Variants in MRPL46 observed in about 807,000 individuals in gnomAD.
MRPL46 encodes the protein mitochondrial ribosomal protein L46.
In MRPL46, 26 loss-of-function variants were observed where a neutral mutation model predicts 31.0. The observed-to-expected ratio is 0.84, with a 90% CI of 0.61 to 1.16. The LOEUF is 1.16. Ranked by LOEUF, MRPL46 falls within the 50% of genes most tolerant of loss-of-function variation. The probability of loss-of-function intolerance (pLI) is 0.00; values close to 1 mark genes in which losing one functional copy is unlikely to be tolerated. For missense variants in MRPL46, 395 were observed against 340.0 expected (o/e 1.16, Z -1.27); for synonymous variants, 159 against 141.3 (o/e 1.13, Z -0.89).
intron 3 of MRPL46, chr15:88,462,639 C>G (rs1278435769): frequency 1.3e-5 from 2 of 152,208 alleles, no homozygotes; most frequent in African/African-American, 4.8e-5. Flanking sequence ...TGGAGGGCAA[C>G]TGGGCTGCAC....
chr15:88,460,269 G>A (rs1014812867), intron 3 of MRPL46: 29 of 195,632 alleles, frequency 1.5e-4, no homozygotes, highest in African/African-American at 5.2e-4. Context: ...ATCTGTTGGC[G>A]AATCAGCCCA....
At chr15:88,466,786 G>A (rs2055541595) in intron 1 of MRPL46, among the ~76,000 whole-genome samples, 1 of 152,040 alleles carries the variant, frequency 6.6e-6, no homozygotes, top group African/African-American at 2.4e-5. Flanking sequence ...CTTATCATAG[G>A]CATCTGACAG....
Position 88,464,689 on chromosome 15 carries a change from G to T in MRPL46, c.589+14C>A. 4 of 1,587,142 alleles carry T rather than the reference G, an allele frequency of 2.5e-6. No individual in the cohort carries two copies. The highest frequency in any genetic ancestry group is 3.4e-6 in the Non-Finnish European group (4 of 1,163,360). ...GTGAATTTTGTGGAATTTAGAGGAAGGCAGAAAACCCACCTGAGAGTGTGG... is the reference window on the plus strand; with the variant it reads ...GTGAATTTTGTGGAATTTAGAGGAATGCAGAAAACCCACCTGAGAGTGTGG... On this transcript the variant is annotated intron_variant, in intron 3 of 3. Coordinates refer to ENST00000312475, the MANE Select transcript of MRPL46 (RefSeq NM_022163.4).
At chr15:88,464,624 A>T in intron 3 of MRPL46, 79 bp downstream of exon 3, 1 of 1,424,592 alleles carries the variant, frequency 7.0e-7, no homozygotes, top group South Asian at 1.2e-5. Context: ...CCTTAATCCA[A>T]TTCCCCAGTC....
chr15:88,462,875 C>T (rs2055490046), intron 3 of MRPL46: 1 of 152,176 alleles, frequency 6.6e-6, no homozygotes, highest in Admixed American at 6.5e-5. Flanking sequence ...ATTTTATATG[C>T]ATCTATTAAA....
chr15:88,464,109 A>ATGAGGTGGGGTGGGGG, intron 3 of MRPL46: 2 of 152,284 alleles, frequency 1.3e-5, no homozygotes, highest in Non-Finnish European at 2.9e-5. Flanking sequence ...GGGTCAGGGG[A>ATGAGGTGGGGTGGGGG]TGAGGTAGTG....
chr15:88,461,924 C>T (rs1480974647), intron 3 of MRPL46: 2 of 151,764 alleles, frequency 1.3e-5, no homozygotes, highest in South Asian at 2.1e-4. Flanking sequence ...TGTTTAAAAG[C>T]GTATATGAGA....
At position 88,459,605 on chromosome 15, in the gene MRPL46, T is replaced by C. The variant is rs1279443758; in HGVS notation, c.*8A>G. 6.2e-7 allele frequency: 1 copy of C among 1,613,688 alleles called. No individual in the cohort carries two copies. The highest frequency in any genetic ancestry group is 8.5e-7 in the Non-Finnish European group (1 of 1,180,020). On this transcript the variant is annotated 3_prime_UTR_variant, in exon 4 of 4. Transcript: ENST00000312475. ...TGTCTGAGCACCGTCCACAGGCAGC[T>C]CGGCCCATCAGAGGTCTGAAACAAA...
At position 88,463,965 on chromosome 15, in the gene MRPL46, C is replaced by A. The variant is rs753677619; in HGVS notation, c.589+738G>T. 6 of 152,196 alleles carry A rather than the reference C, an allele frequency of 3.9e-5. No individual in the cohort carries two copies. The highest frequency in any genetic ancestry group is 7.3e-5 in the Non-Finnish European group (5 of 68,052). 9.4% of individuals were successfully genotyped at this position (152,196 alleles called of 1,614,324 possible). ...CATTTTGGCAGCACTGAAGGGCACT[C>A]CACAAAACCAAGGTTAAACTTACTG... On this transcript the variant is annotated intron_variant, in intron 3 of 3. Transcript: ENST00000312475. This position sits in a 1 kb window ranked among gnomAD's most constrained non-coding sequence, Gnocchi z 5.4.
chr15:88,461,145 A>G (rs2055474078), intron 3 of MRPL46: 1 of 152,232 alleles, frequency 6.6e-6, no homozygotes, highest in Non-Finnish European at 1.5e-5. Flanking sequence ...CCAAAAAACA[A>G]AAGATTTATA....
Position 88,463,211 on chromosome 15 carries a change from G to C in MRPL46, c.589+1492C>G, listed in dbSNP as rs2055492774. The C allele has an allele frequency of 1.3e-5, 2 of 152,228 alleles. No individual in the cohort carries two copies. Among genetic ancestry groups the C allele is most frequent in the African/African-American group, 4.8e-5 (2 of 41,448 alleles). The allele number at this position is 152,228 out of a possible 1,614,324, so 9.4% of individuals were successfully genotyped here. A position where few individuals can be genotyped will look rare whatever the true frequency, so the allele number is the denominator to read the frequency against. On this transcript the variant is annotated intron_variant, in intron 3 of 3. Coordinates refer to ENST00000312475, the MANE Select transcript of MRPL46 (RefSeq NM_022163.4). The surrounding 1 kb of genome is among the most constrained non-coding windows in gnomAD (Gnocchi z 5.4). Reference sequence around the variant, plus strand: ...CACACAGGCCCCTTGGGAGAGTCAAGGGAACACACACTGGCTACCGACATT... The same window carrying C: ...CACACAGGCCCCTTGGGAGAGTCAACGGAACACACACTGGCTACCGACATT...
At chr15:88,462,016 A>G (rs1403924561) in intron 3 of MRPL46, 1 of 152,256 alleles carries the variant, frequency 6.6e-6, no homozygotes, top group African/African-American at 2.4e-5. Flanking sequence ...GCATCTGTAT[A>G]TGCATAGAGA....
In MRPL46 at chr15:88,467,378, C is replaced by T; in HGVS notation, c.-1G>A. On this transcript the variant is annotated 5_prime_UTR_variant, in exon 1 of 4. Coordinates refer to ENST00000312475, the MANE Select transcript of MRPL46 (RefSeq NM_022163.4). ...GCGTCCGCCTTACGGGCGCCGCCAT[C>T]TTTCGTTCTCCCACAATGCACCGCG... is the stretch of plus-strand genomic sequence containing the variant. 1.3e-6 allele frequency: 2 copies of T among 1,564,362 alleles called. No individual in the cohort carries two copies. The highest frequency in any genetic ancestry group is 1.4e-5 in the African/African-American group (1 of 73,548).
Position 88,465,777 on chromosome 15 carries a change from G to A in MRPL46, c.229-4C>T. The stretch of plus-strand genomic sequence containing the variant: ...ACAGGCTTCTCTCTATCTCAATCTG[G>A]GAAAATTCAAAGGGCAAAAAACTAC... On this transcript the variant is annotated splice_polypyrimidine_tract_variant and splice_region_variant and intron_variant, in intron 1 of 3. Coordinates refer to ENST00000312475, the MANE Select transcript of MRPL46 (RefSeq NM_022163.4). 2 of 1,560,984 alleles carry A rather than the reference G, an allele frequency of 1.3e-6. No homozygotes were observed. The highest frequency in any genetic ancestry group is 1.7e-6 in the Non-Finnish European group (2 of 1,160,304).
chr15:88,466,404 T>C (rs1053124670), intron 1 of MRPL46, among the ~76,000 whole-genome samples: 3 of 152,242 alleles, frequency 2.0e-5, no homozygotes, highest in Non-Finnish European at 2.9e-5. Flanking sequence ...ATTTGGTTAC[T>C]GACTGATCCC....
chr15:88,464,907 A>G, intron 2 of MRPL46, 31 bp from the exon 3 acceptor site: 1 of 1,595,654 alleles, frequency 6.3e-7, no homozygotes, highest in East Asian at 2.3e-5. Flanking sequence ...GGAGGTAAGA[A>G]GACTGTGATC....
chr15:88,466,799 G>A (rs1182244150), intron 1 of MRPL46, among the ~76,000 whole-genome samples: 1 of 152,120 alleles, frequency 6.6e-6, no homozygotes, highest in Non-Finnish European at 1.5e-5. Context: ...TCTGACAGAT[G>A]TGCCCACCGC....
chr15:88,465,009 C>A, intron 2 of MRPL46, 133 bp from the exon 3 acceptor site: 1 of 958,724 alleles, frequency 1.0e-6, no homozygotes, highest in South Asian at 1.8e-5. Context: ...TACACCTCGA[C>A]CCATCTCTCT....
Position 88,467,343 on chromosome 15 carries a change from A to C in MRPL46, c.35T>G (p.Val12Gly). The change falls in exon 1 of 4, where the codon GTG becomes GGG. Residue 12 changes from valine to glycine, a missense_variant. Transcript: ENST00000312475. ...AAPVRRTLLG[V>G]AGGWRRFERL... ...CTCGAACCGCCGCCAACCCCCCGCC[A>C]CCCCTAACAGCGTCCGCCTTACGGG... 1 of 1,598,086 alleles carries C rather than the reference A, an allele frequency of 6.3e-7. No homozygotes were observed. Among genetic ancestry groups the C allele is most frequent in the African/African-American group, 1.3e-5 (1 of 74,366 alleles).
Sources: allele counts gnomAD v4.1 joint callset (sites outside exome capture counted in the v4.1 genomes callset), GRCh38; gene constraint gnomAD v4.1.1; non-coding constraint Gnocchi (gnomAD v3.1); transcripts MANE v1.5; gene names NCBI Gene and HGNC (gene_info 2026-07-23, HGNC 2026-07-21).